Variants in PCDHA5 observed in about 807,000 individuals in gnomAD.
PCDHA5 encodes the protein protocadherin alpha-5.
A neutral mutation model predicts 61.6 loss-of-function variants in PCDHA5; 43 were observed. That is an observed-to-expected ratio of 0.70 (90% CI 0.55 to 0.90). The LOEUF is 0.90. Ranked by LOEUF, PCDHA5 falls within the 40% of genes least tolerant of loss-of-function variation. The pLI is 0.00. For synonymous variants in PCDHA5, 627 were observed against 543.9 expected (o/e 1.15, Z -2.13); for missense variants, 1,298 against 1,222.7 (o/e 1.06, Z -0.92).
chr5:140,978,721 A>C (rs2096819896), intron 1 of PCDHA5, among the ~76,000 whole-genome samples: 1 of 152,236 alleles, frequency 6.6e-6, no homozygotes, highest in African/African-American at 2.4e-5. Flanking sequence ...CAAGATTATT[A>C]AATCTGGTCT....
chr5:140,884,798 A>C, intron 1 of PCDHA5: 3 of 1,275,332 alleles, frequency 2.4e-6, no homozygotes, highest in Non-Finnish European at 3.2e-6. Flanking sequence ...TATCGAATTT[A>C]ACAACTCTGC....
At chr5:141,009,529 T>C in intron 3 of PCDHA5, 98 bp from the exon 4 acceptor site, 2 of 1,505,630 alleles carry the variant, frequency 1.3e-6, no homozygotes, top group Non-Finnish European at 1.8e-6. Context: ...TCTGGGGAGG[T>C]TCAGCCTGCC....
At chr5:140,894,658 G>A (rs962936177) in intron 1 of PCDHA5, among the ~76,000 whole-genome samples, 4 of 151,172 alleles carry the variant, frequency 2.6e-5, no homozygotes, top group Non-Finnish European at 5.9e-5. Flanking sequence ...CTCTAATTCT[G>A]ATTTGTGTAT....
At chr5:141,009,450 A>G (rs1272306412) in intron 3 of PCDHA5, among the ~76,000 whole-genome samples, 177 bp from the exon 4 acceptor site, 1 of 152,250 alleles carries the variant, frequency 6.6e-6, no homozygotes, top group Non-Finnish European at 1.5e-5. Context: ...TCTCAAAAAA[A>G]TTAAACAAAT....
At chr5:140,829,519 G>C (rs2150169302) in intron 1 of PCDHA5, 3 of 1,613,422 alleles carry the variant, frequency 1.9e-6, no homozygotes, top group African/African-American at 1.3e-5. Flanking sequence ...ACATCTTCAC[G>C]GTGTCTGCGC....
intron 1 of PCDHA5, chr5:140,824,471 T>C (rs1044239282): frequency 9.9e-6 from 4 of 402,254 alleles, no homozygotes; most frequent in African/African-American, 2.1e-5. Context: ...TTTATTTTAT[T>C]GTTATTTTTT....
At chr5:140,987,429 G>A (rs1402576200) in intron 3 of PCDHA5, among the ~76,000 whole-genome samples, 1 of 152,096 alleles carries the variant, frequency 6.6e-6, no homozygotes, top group Non-Finnish European at 1.5e-5. Context: ...GAAGCAGGGG[G>A]CCTTTCCCCA....
intron 1 of PCDHA5, chr5:140,841,170 T>G: frequency 1.0e-6 from 1 of 982,276 alleles, no homozygotes; most frequent in Non-Finnish European, 1.5e-6. Context: ...AAGTTCTGGT[T>G]GGTCAATGTT....
At chr5:140,985,373 C>T (rs1228293287) in intron 3 of PCDHA5, among the ~76,000 whole-genome samples, 1 of 152,106 alleles carries the variant, frequency 6.6e-6, no homozygotes, top group Non-Finnish European at 1.5e-5. Flanking sequence ...TTATCTGGGT[C>T]TATATAATCC....
intron 3 of PCDHA5, among the ~76,000 whole-genome samples, chr5:140,995,541 G>T (rs1444257516): frequency 6.6e-5 from 10 of 152,186 alleles, no homozygotes; most frequent in Non-Finnish European, 1.3e-4. Context: ...CAAATAAGGG[G>T]CGATCACTGT....
At chr5:140,927,713 A>G in intron 1 of PCDHA5, 1 of 1,614,180 alleles carries the variant, frequency 6.2e-7, no homozygotes, top group Non-Finnish European at 8.5e-7. Flanking sequence ...TCCCTAAGCA[A>G]CAGCACGCAA....
At chr5:140,968,508 A>T in intron 1 of PCDHA5, 1 of 1,614,068 alleles carries the variant, frequency 6.2e-7, no homozygotes. Flanking sequence ...CACATTCTGT[A>T]CCCTACCTCA....
intron 1 of PCDHA5, chr5:140,856,598 A>C: frequency 6.3e-7 from 1 of 1,597,872 alleles, no homozygotes; most frequent in East Asian, 2.2e-5. Context: ...TATTATAAAC[A>C]AAAAAGACAA....
At chr5:140,936,291 A>G (rs996685658) in intron 1 of PCDHA5, among the ~76,000 whole-genome samples, 2 of 152,174 alleles carry the variant, frequency 1.3e-5, no homozygotes, top group African/African-American at 4.8e-5. Flanking sequence ...CTTCTATAAC[A>G]TTGCTATCCA....
chr5:140,886,281 T>C (rs2060932567), intron 1 of PCDHA5, among the ~76,000 whole-genome samples: 1 of 151,934 alleles, frequency 6.6e-6, no homozygotes, highest in African/African-American at 2.4e-5. Flanking sequence ...TTTTTAAAAT[T>C]ATTTTTATAT....
At chr5:140,875,412 A>G in intron 1 of PCDHA5, 4 of 1,505,550 alleles carry the variant, frequency 2.7e-6, no homozygotes, top group Non-Finnish European at 3.5e-6. Context: ...CTCATAAAAT[A>G]CCTCAGGCAA....
intron 1 of PCDHA5, among the ~76,000 whole-genome samples, chr5:140,916,719 A>G (rs921368119): frequency 2.0e-5 from 3 of 152,128 alleles, no homozygotes; most frequent in Non-Finnish European, 2.9e-5. Context: ...GGAAGGAGTG[A>G]CTTTTGTTGC....
rs1362509837 is a variant in PCDHA5, at chr5:140,884,388, T to A, written c.2352+60261T>A. On this transcript the variant is annotated intron_variant, in intron 1 of 3. Transcript: ENST00000529859. ...TACTTGATCATTGCCATCTGCGCGG[T>A]GTCCAGCCTGTTGGTGCTCACGTTG... 3 of 1,613,960 alleles carry A rather than the reference T, an allele frequency of 1.9e-6. No individual in the cohort carries two copies. In the Admixed American group the frequency reaches 5.0e-5, roughly 27 times the overall value.
chr5:140,913,764 T>C (rs2076457452), intron 1 of PCDHA5, among the ~76,000 whole-genome samples: 1 of 152,162 alleles, frequency 6.6e-6, no homozygotes, highest in Admixed American at 6.5e-5. Flanking sequence ...TCATAGGTTT[T>C]GGCATGTTGT....
Sources: gnomAD v4.1 joint callset for allele counts (sites outside exome capture counted in the v4.1 genomes callset) on GRCh38, gnomAD v4.1.1 for gene constraint, MANE v1.5 for transcripts, NCBI Gene and HGNC (gene_info 2026-07-23, HGNC 2026-07-21) for gene names.